Variants in FOXA3 observed in about 807,000 individuals in gnomAD.
The protein encoded by FOXA3 is forkhead box A3, also known as hepatocyte nuclear factor 3-gamma.
Under a neutral mutation model 16.9 loss-of-function variants are expected in FOXA3, and 11 were observed. That is an observed-to-expected ratio of 0.65 (90% confidence interval 0.41 to 1.08). FOXA3 has a LOEUF of 1.08. Ranked by LOEUF, FOXA3 falls within the 50% of genes least tolerant of loss-of-function variation. The probability of loss-of-function intolerance (pLI) is 0.00; values close to 1 mark genes in which losing one functional copy is unlikely to be tolerated. For synonymous variants in FOXA3, 217 were observed against 203.3 expected (o/e 1.07, Z -0.57); for missense variants, 423 against 470.1 (o/e 0.90, Z 0.93).
chr19:45,866,727 A>T (rs1352536848), intron 1 of FOXA3, among the ~76,000 whole-genome samples: 3 of 152,152 alleles, frequency 2.0e-5, no homozygotes, highest in African/African-American at 4.8e-5. Context: ...CCATCCTGGG[A>T]TATCCCTGTT....
Position 45,872,105 on chromosome 19 carries a change from A to G in FOXA3, c.100A>G (p.Met34Val). ...VYSPVTPVPT[M>V]APLNSYMTLN... ...CTCGCCGGTGACCCCAGTGCCCACC[A>G]TGGCCCCCCTCAACTCCTACATGAC... Residue 34 changes from methionine to valine, a missense_variant, in exon 2 of 2, where the codon ATG (methionine) becomes GTG (valine). Met to Val is a conservative substitution (Grantham distance 21). Coordinates refer to ENST00000302177, the MANE Select transcript of FOXA3 (RefSeq NM_004497.3). This position sits in a 1 kb window ranked among gnomAD's most constrained non-coding sequence, Gnocchi z 4.5. The G allele has an allele frequency of 6.2e-7, 1 of 1,608,224 alleles. No homozygotes were observed. Among genetic ancestry groups the G allele is most frequent in the East Asian group, 2.2e-5 (1 of 44,862 alleles).
chr19:45,869,146 C>G (rs1972111295), intron 1 of FOXA3, among the ~76,000 whole-genome samples: 2 of 152,078 alleles, frequency 1.3e-5, no homozygotes, highest in Admixed American at 1.3e-4. Flanking sequence ...AGGCTGGTCT[C>G]GAACTCCCGA....
At position 45,864,445 on chromosome 19, in the gene FOXA3, T is replaced by G; in HGVS notation, c.-12T>G. ...GCCGGAGCGGGGGCGGGTGGGGGCG[T>G]AAGCCCGGGGGATGCTGGGCTCAGT... On this transcript the variant is annotated 5_prime_UTR_variant, in exon 1 of 2. Transcript: ENST00000302177. 7.0e-7 allele frequency: 1 copy of G among 1,434,558 alleles called. No individual in the cohort carries two copies. The highest frequency in any genetic ancestry group is 9.3e-7 in the Non-Finnish European group (1 of 1,080,366). 88.9% of individuals were successfully genotyped at this position (1,434,558 alleles called of 1,614,324 possible).
At chr19:45,869,347 C>A (rs1478907063) in intron 1 of FOXA3, among the ~76,000 whole-genome samples, 1 of 152,224 alleles carries the variant, frequency 6.6e-6, no homozygotes, top group Non-Finnish European at 1.5e-5. Context: ...AGCAACCTCT[C>A]TGGGCCTCAG....
At chr19:45,868,495 G>A (rs1204223337) in intron 1 of FOXA3, among the ~76,000 whole-genome samples, 1 of 151,022 alleles carries the variant, frequency 6.6e-6, no homozygotes, top group African/African-American at 2.4e-5. Context: ...CAGGAGAATC[G>A]CTTGAACCTG....
rs535321568 is a variant in FOXA3 at position 45,872,646 on chromosome 19, A to G, written c.641A>G (p.Lys214Arg). Residue 214 changes from lysine (K) to arginine (R), a missense_variant, in exon 2 of 2, where the codon AAG becomes AGG. Physicochemically the swap from Lys to Arg is conservative, Grantham distance 26. Around this residue, in one of 3 missense-constraint regions of FOXA3, gnomAD observed 168 missense variants for 179.3 expected, o/e 0.94. Coordinates refer to ENST00000302177, the MANE Select transcript of FOXA3 (RefSeq NM_004497.3). This position sits in a 1 kb window ranked among gnomAD's most constrained non-coding sequence, Gnocchi z 4.5. ...GCYLRRQKRFKLEEKVKKGGS... is the reference protein window; with the variant it reads ...GCYLRRQKRFRLEEKVKKGGS... ...TACCTGCGCCGCCAGAAACGCTTCA[A>G]GCTGGAGGAGAAGGTGAAAAAAGGG... 3 of 1,613,620 alleles carry G rather than the reference A, an allele frequency of 1.9e-6. No individual in the cohort carries two copies. In the South Asian group the frequency reaches 3.3e-5, roughly 18 times the overall value.
intron 1 of FOXA3, among the ~76,000 whole-genome samples, chr19:45,871,141 C>T (rs1460480218): frequency 6.6e-6 from 1 of 152,024 alleles, no homozygotes; most frequent in Non-Finnish European, 1.5e-5. Flanking sequence ...TGGGTTATGT[C>T]TATCTACGTT....
chr19:45,866,744 A>G (rs964963369), intron 1 of FOXA3, among the ~76,000 whole-genome samples: 1 of 152,152 alleles, frequency 6.6e-6, no homozygotes, highest in Non-Finnish European at 1.5e-5. Flanking sequence ...TGTTGGCCTC[A>G]GGTTCTTGCA....
At chr19:45,870,980 C>T (rs1966898775) in intron 1 of FOXA3, among the ~76,000 whole-genome samples, 1 of 151,668 alleles carries the variant, frequency 6.6e-6, no homozygotes, top group South Asian at 2.1e-4. Context: ...ATCCCAGCTA[C>T]TTGGGAGGCT....
At chr19:45,864,555 G>A (rs757534322) in intron 1 of FOXA3, 30 bp downstream of exon 1, 1 of 1,497,298 alleles carries the variant, frequency 6.7e-7, no homozygotes, top group Admixed American at 2.1e-5. Context: ...GGAGCGGGAA[G>A]TTGGGGGCAG....
At chr19:45,867,455 A>AGATAGATAGATG (rs1418121730) in intron 1 of FOXA3, among the ~76,000 whole-genome samples, 32 of 147,872 alleles carry the variant, frequency 2.2e-4, no homozygotes, top group South Asian at 6.5e-4. Flanking sequence ...ATAGATAGAT[A>AGATAGATAGATG]GATGCATGGA....
intron 1 of FOXA3, among the ~76,000 whole-genome samples, chr19:45,868,667 A>G (rs1290854090): frequency 1.3e-5 from 2 of 151,616 alleles, no homozygotes; most frequent in Non-Finnish European, 1.5e-5. Flanking sequence ...AGTGCTGTAT[A>G]TAGCAGCATT....
intron 1 of FOXA3, among the ~76,000 whole-genome samples, chr19:45,869,514 A>G (rs140065885): frequency 1.3e-5 from 2 of 152,324 alleles, no homozygotes; most frequent in Non-Finnish European, 2.9e-5. Context: ...CTTAGGAGGC[A>G]CTGCAAGATC....
At chr19:45,867,416 GAT>G (rs888089684) in intron 1 of FOXA3, among the ~76,000 whole-genome samples, 2 of 113,056 alleles carry the variant, frequency 1.8e-5, no homozygotes, top group Non-Finnish European at 3.9e-5. Context: ...AAGGGAGGGA[GAT>G]AGATAGATAG....
rs1040639952 is a variant in FOXA3, at chr19:45,870,315, G to A, written c.70-1760G>A. Reference sequence around the variant, plus strand: ...CTCCCAAGTAGCTGGGACTACAGGCGTTCGCCACCACACCCGGCTAATTTT... The same window carrying A: ...CTCCCAAGTAGCTGGGACTACAGGCATTCGCCACCACACCCGGCTAATTTT... On this transcript the variant is annotated intron_variant, in intron 1 of 1. Coordinates refer to ENST00000302177, the MANE Select transcript of FOXA3 (RefSeq NM_004497.3). Among the ~76,000 whole-genome samples the A allele has an allele frequency of 1.9e-4, 29 of 150,798 alleles. 1 individual carries two copies. The highest frequency in any genetic ancestry group is 1.7e-3 in the Admixed American group (25 of 15,122).
rs1474371929 is a variant in FOXA3 at position 45,870,094 on chromosome 19, G to C, written c.70-1981G>C. ...AGCCACTGTGCCCAGCCTAAATGCA[G>C]TAATTTTATAAGCTAAAAGATTGAA... On this transcript the variant is annotated intron_variant, in intron 1 of 1. Coordinates refer to ENST00000302177, the MANE Select transcript of FOXA3 (RefSeq NM_004497.3). Among the ~76,000 whole-genome samples, 21 of 147,996 alleles carry C rather than the reference G, an allele frequency of 1.4e-4. No individual in the cohort carries two copies. In the East Asian group the frequency reaches 4.4e-3, roughly 31 times the overall value.
rs150013684 is a variant in FOXA3 at position 45,872,271 on chromosome 19, G to A, written c.266G>A (p.Ser89Asn). The A allele has an allele frequency of 4.7e-5, 76 of 1,611,796 alleles. No individual in the cohort carries two copies. The African/African-American group carries it at 9.3e-4, about 20-fold the overall frequency. ...CTGGGTGTCAGCGGTGGCAGCAGCA[G>A]CTCCGGGTACGGGGCCCCGGGTCCT... ...PGLGVSGGSS[S>N]SGYGAPGPGL... The change falls in exon 2 of 2, where the codon AGC becomes AAC. Residue 89 changes from serine to asparagine, a missense_variant. This residue lies in a region of FOXA3 where 170 missense variants were observed against 153.9 expected (regional missense o/e 1.10). Transcript: ENST00000302177. The surrounding 1 kb of genome is among the most constrained non-coding windows in gnomAD (Gnocchi z 4.5).
rs772111495 is a variant in FOXA3, at chr19:45,864,452, G to A, written c.-5G>A. 6.8e-7 allele frequency: 1 copy of A among 1,471,396 alleles called. No individual in the cohort carries two copies. The allele number at this position is 1,471,396 out of a possible 1,614,324, so 91.1% of individuals were successfully genotyped here. On this transcript the variant is annotated 5_prime_UTR_variant, in exon 1 of 2. Transcript: ENST00000302177. ...CGGGGGCGGGTGGGGGCGTAAGCCC[G>A]GGGGATGCTGGGCTCAGTGAAGATG...
At chr19:45,870,093 A>T (rs529445337) in intron 1 of FOXA3, among the ~76,000 whole-genome samples, 1 of 151,454 alleles carries the variant, frequency 6.6e-6, no homozygotes, top group African/African-American at 2.4e-5. Context: ...GCCTAAATGC[A>T]GTAATTTTAT....
Sources: allele counts gnomAD v4.1 joint callset (sites outside exome capture counted in the v4.1 genomes callset), GRCh38; gene constraint gnomAD v4.1.1; regional missense constraint gnomAD v4.1.1; non-coding constraint Gnocchi (gnomAD v3.1); transcripts MANE v1.5; gene names NCBI Gene and HGNC (gene_info 2026-07-23, HGNC 2026-07-21).